TRDN: variants seen among roughly 807,000 people sequenced by gnomAD.
TRDN encodes the protein triadin, also known as triadin in skeletal muscle.
Under a neutral mutation model 149.7 loss-of-function variants are expected in TRDN, and 161 were observed. That is an observed-to-expected ratio of 1.08 (90% CI 0.95 to 1.23). TRDN has a LOEUF of 1.23. TRDN is among the 50% of genes most tolerant of loss of function. TRDN has a pLI of 0.00. For missense variants in TRDN, 896 were observed against 823.5 expected (o/e 1.09, Z -1.08); for synonymous variants, 294 against 250.5 (o/e 1.17, Z -1.64).
chr6:123,571,621 A>G (rs968426250), intron 1 of TRDN, among the ~76,000 whole-genome samples: 4 of 152,096 alleles, frequency 2.6e-5, no homozygotes, highest in Admixed American at 2.6e-4. Flanking sequence ...TTCATGAGAG[A>G]AAATTCAAAA....
At chr6:123,559,397 A>G (rs1781853908) in intron 2 of TRDN, among the ~76,000 whole-genome samples, 1 of 152,086 alleles carries the variant, frequency 6.6e-6, no homozygotes, top group African/African-American at 2.4e-5. Context: ...AGGCCGAGAC[A>G]CTTTAACTAA....
At chr6:123,630,623 C>A (rs1785939536) in intron 1 of TRDN, among the ~76,000 whole-genome samples, 1 of 151,738 alleles carries the variant, frequency 6.6e-6, no homozygotes, top group East Asian at 1.9e-4. Flanking sequence ...AACATTTAAG[C>A]TCATAAACGG....
chr6:123,475,882 T>C (rs1284246376), intron 9 of TRDN, among the ~76,000 whole-genome samples: 1 of 151,926 alleles, frequency 6.6e-6, no homozygotes, highest in East Asian at 1.9e-4. Context: ...AAACTCTCAA[T>C]AAATTAGGTA....
At chr6:123,596,890 G>A (rs867737310) in intron 1 of TRDN, among the ~76,000 whole-genome samples, 1 of 152,076 alleles carries the variant, frequency 6.6e-6, no homozygotes, top group Admixed American at 6.6e-5. Flanking sequence ...GGTCACTCAA[G>A]AGCTCTGATA....
chr6:123,614,824 T>C (rs4413627), intron 1 of TRDN, among the ~76,000 whole-genome samples: 2,504 of 152,086 alleles, frequency 0.016, 62 homozygotes, highest in African/African-American at 0.058. Flanking sequence ...AAAAAGATTC[T>C]GCACAGCAAA....
chr6:123,474,921 A>G (rs1288046482), intron 9 of TRDN, among the ~76,000 whole-genome samples: 2 of 152,214 alleles, frequency 1.3e-5, no homozygotes, highest in African/African-American at 2.4e-5. Flanking sequence ...GACGCATTCA[A>G]AGCAGTGTGT....
chr6:123,384,200 A>T (rs529578697), intron 14 of TRDN, among the ~76,000 whole-genome samples: 5 of 152,332 alleles, frequency 3.3e-5, no homozygotes, highest in African/African-American at 9.6e-5. Flanking sequence ...GTTTTATATT[A>T]ACAATATGCA....
chr6:123,346,022 T>G (rs1454010933), intron 21 of TRDN, among the ~76,000 whole-genome samples: 1 of 152,086 alleles, frequency 6.6e-6, no homozygotes, highest in Non-Finnish European at 1.5e-5. Context: ...ATTTATTTCC[T>G]TTTCTTATAT....
At chr6:123,270,752 T>A (rs1777178770) in intron 30 of TRDN, among the ~76,000 whole-genome samples, 1 of 152,004 alleles carries the variant, frequency 6.6e-6, no homozygotes, top group Non-Finnish European at 1.5e-5. Flanking sequence ...AAGTAAATTA[T>A]TCCAGCTAAT....
chr6:123,229,564 A>G (rs1408302049), intron 38 of TRDN, among the ~76,000 whole-genome samples: 1 of 151,958 alleles, frequency 6.6e-6, no homozygotes, highest in African/African-American at 2.4e-5. Context: ...TTCTGCAGCC[A>G]TGGGTCAAAA....
intron 38 of TRDN, among the ~76,000 whole-genome samples, chr6:123,229,482 A>G (rs1460793321): frequency 6.6e-6 from 1 of 151,934 alleles, no homozygotes; most frequent in Non-Finnish European, 1.5e-5. Flanking sequence ...TCTGTGATCA[A>G]GTGGAATGCC....
chr6:123,636,934 A>G lies in TRDN; in HGVS notation c.-159T>C. On this transcript the variant is annotated 5_prime_UTR_variant, in exon 1 of 41. Coordinates refer to ENST00000334268, the MANE Select transcript of TRDN (RefSeq NM_006073.4). ...CTGCTGCTTCTTTGTTGTCCTGTTG[A>G]ACTTTGCCTCTCCTCTGCAGAGTTC... The G allele has an allele frequency of 1.3e-6, 1 of 780,416 alleles. No individual in the cohort carries two copies. The highest frequency in any genetic ancestry group is 2.3e-5 in the Admixed American group (1 of 43,192). The allele number at this position is 780,416 out of a possible 1,614,324, so 48.3% of individuals were successfully genotyped here. A position where few individuals can be genotyped will look rare whatever the true frequency, so the allele number is the denominator to read the frequency against.
chr6:123,515,144 C>T (rs116175639), intron 6 of TRDN, among the ~76,000 whole-genome samples: 2,440 of 151,742 alleles, frequency 0.016, 71 homozygotes, highest in African/African-American at 0.055. Flanking sequence ...CACAATAACA[C>T]GCCAGTAACA....
intron 10 of TRDN, chr6:123,442,276 C>T (rs1774940645): frequency 6.8e-6 from 1 of 146,276 alleles, no homozygotes; most frequent in South Asian, 2.1e-4. Context: ...ATAAAATCTA[C>T]CTCACGCTTG....
intron 2 of TRDN, among the ~76,000 whole-genome samples, chr6:123,561,721 A>G (rs565418092): frequency 1.2e-4 from 19 of 152,094 alleles, no homozygotes; most frequent in African/African-American, 4.6e-4. Context: ...TATATGACAA[A>G]TGTTTCTTCT....
At position 123,258,270 on chromosome 6, in the gene TRDN, T is replaced by A. The variant is rs189580596; in HGVS notation, c.1870+1354A>T. Among the ~76,000 whole-genome samples, 527 of 152,292 alleles carry A rather than the reference T, an allele frequency of 3.5e-3. 3 individuals carry two copies. The highest frequency in any genetic ancestry group is 0.012 in the African/African-American group (501 of 41,578). ...CTTTCAGTATGCTATTGACTGTGGGTTTATCATAAAAAGCTCTTCTTATTT... is the reference window on the plus strand; with the variant it reads ...CTTTCAGTATGCTATTGACTGTGGGATTATCATAAAAAGCTCTTCTTATTT... On this transcript the variant is annotated intron_variant, in intron 35 of 40. Transcript: ENST00000334268.
intron 24 of TRDN, among the ~76,000 whole-genome samples, chr6:123,314,682 T>C (rs1052856939): frequency 6.6e-6 from 1 of 152,066 alleles, no homozygotes; most frequent in Non-Finnish European, 1.5e-5. Context: ...AACAAGATCA[T>C]GTCCTTTGCA....
chr6:123,485,735 C>A (rs1029125041), intron 9 of TRDN, among the ~76,000 whole-genome samples: 7 of 151,996 alleles, frequency 4.6e-5, no homozygotes, highest in African/African-American at 1.7e-4. Flanking sequence ...TATACATTAA[C>A]CCTATAAAGT....
In TRDN at chr6:123,366,144, T is replaced by G; in HGVS notation, c.1312A>C (p.Ile438Leu). ...RAKEEIGAVSIKKAVPGKKEE... is the reference protein window; with the variant it reads ...RAKEEIGAVSLKKAVPGKKEE... ...TTTAAGCTGCATTTACCTTTTTTAA[T>G]TGAAACCGCACCAATCTCCTCTTTG... Residue 438 changes from isoleucine (I) to leucine (L), a missense_variant, in exon 20 of 41, where the codon ATT becomes CTT. Ile to Leu is a conservative substitution (Grantham distance 5). Transcript: ENST00000334268. The G allele has an allele frequency of 1.9e-6, 3 of 1,612,678 alleles. No homozygotes were observed. Among genetic ancestry groups the G allele is most frequent in the Non-Finnish European group, 2.5e-6 (3 of 1,179,060 alleles).
Sources: allele counts gnomAD v4.1 joint callset (sites outside exome capture counted in the v4.1 genomes callset), GRCh38; gene constraint gnomAD v4.1.1; transcripts MANE v1.5; gene names NCBI Gene and HGNC (gene_info 2026-07-23, HGNC 2026-07-21).